Variants in CFAP77 observed in about 807,000 individuals in gnomAD.
CFAP77 encodes the protein cilia- and flagella-associated protein 77.
Under a neutral mutation model 31.1 loss-of-function variants are expected in CFAP77, and 25 were observed. That is an observed-to-expected ratio of 0.80 (90% confidence interval 0.59 to 1.12). The LOEUF (loss-of-function observed/expected upper bound fraction) is 1.12. Ranked by LOEUF, CFAP77 falls within the 50% of genes most tolerant of loss-of-function variation. The pLI, the probability that CFAP77 is intolerant of heterozygous loss-of-function variation, is 0.00. For synonymous variants in CFAP77, 151 were observed against 159.9 expected (o/e 0.94, Z 0.42); for missense variants, 377 against 397.3 (o/e 0.95, Z 0.44).
intron 1 of CFAP77, among the ~76,000 whole-genome samples, chr9:132,435,274 A>G (rs1445995845): frequency 6.6e-6 from 1 of 152,130 alleles, no homozygotes; most frequent in Non-Finnish European, 1.5e-5. Context: ...TCACCACGAG[A>G]TTGCCCACTT....
chr9:132,489,292 G>A (rs1418560896), intron 1 of CFAP77, among the ~76,000 whole-genome samples: 1 of 152,164 alleles, frequency 6.6e-6, no homozygotes, highest in Non-Finnish European at 1.5e-5. Flanking sequence ...TTCTCTTTTT[G>A]AGCCTCGACT....
At chr9:132,519,312 G>GATGGA (rs1852205317) in intron 3 of CFAP77, among the ~76,000 whole-genome samples, 1 of 143,834 alleles carries the variant, frequency 7.0e-6, no homozygotes, top group Non-Finnish European at 1.5e-5. Context: ...GGATGGATGG[G>GATGGA]TGGGTGAATG....
intron 3 of CFAP77, among the ~76,000 whole-genome samples, chr9:132,523,181 G>A (rs151040444): frequency 0.014 from 2,078 of 151,482 alleles, 45 homozygotes; most frequent in African/African-American, 0.047. Flanking sequence ...TCCGTCTTCC[G>A]GGTTCAAGCA....
chr9:132,550,590 T>C (rs986425321), intron 5 of CFAP77, among the ~76,000 whole-genome samples: 7 of 146,942 alleles, frequency 4.8e-5, no homozygotes, highest in African/African-American at 1.5e-4. Flanking sequence ...AGTGGTACAA[T>C]TATGGCTCAA....
chr9:132,532,327 T>C (rs1852467064), intron 3 of CFAP77, among the ~76,000 whole-genome samples: 1 of 152,120 alleles, frequency 6.6e-6, no homozygotes, highest in Admixed American at 6.5e-5. Context: ...TCTGCAGCTG[T>C]CTCTGGGCCA....
At chr9:132,556,367 G>A (rs563508686) in intron 5 of CFAP77, among the ~76,000 whole-genome samples, 5 of 152,324 alleles carry the variant, frequency 3.3e-5, no homozygotes, top group Middle Eastern at 3.4e-3. Flanking sequence ...CCCTCCAGAA[G>A]AAAGAGCTGA....
rs545268189 is a variant in CFAP77, at chr9:132,428,986, C to T, written c.195+18520C>T. Reference sequence around the variant, plus strand: ...TTTGGTAAGAATAACAAGGTAATCACTAGAGTGTCACCCTGCATGTTGAAC... The same window carrying T: ...TTTGGTAAGAATAACAAGGTAATCATTAGAGTGTCACCCTGCATGTTGAAC... On this transcript the variant is annotated intron_variant, in intron 1 of 5. Coordinates refer to ENST00000393216, the MANE Select transcript of CFAP77 (RefSeq NM_001282957.2). Among the ~76,000 whole-genome samples the T allele has an allele frequency of 2.0e-5, 3 of 152,286 alleles. No homozygotes were observed. The East Asian group carries it at 5.8e-4, about 29-fold the overall frequency.
intron 1 of CFAP77, among the ~76,000 whole-genome samples, chr9:132,491,269 A>C (rs1851649756): frequency 6.6e-6 from 1 of 152,218 alleles, no homozygotes; most frequent in East Asian, 1.9e-4. Flanking sequence ...GGAGTTCCAA[A>C]CCAGCCTGAG....
Position 132,410,317 on chromosome 9 carries a change from AAGC to A in CFAP77, c.56_58del (p.Gln19del). ...CGGCCCGGACCTCACGCGATGGAGG[AAGC>A]AGCAGCAGCCTGTGCGCCGCACGGT... On this transcript the variant is annotated inframe_deletion, in exon 1 of 6. Transcript: ENST00000393216. 6.3e-7 allele frequency: 1 copy of A among 1,596,210 alleles called. No homozygotes were observed.
At chr9:132,438,834 C>T (rs901337745) in intron 1 of CFAP77, among the ~76,000 whole-genome samples, 3 of 150,680 alleles carry the variant, frequency 2.0e-5, no homozygotes, top group African/African-American at 7.3e-5. Context: ...CGCACCTGAC[C>T]GGCCAACATT....
Position 132,458,452 on chromosome 9 carries a change from T to C in CFAP77, c.196-40243T>C, listed in dbSNP as rs368510622. ...TGAATTTTCCCATCGTTGCTGCATCTGTCCACTTCATCTTGCCTGTGTGGG... is the reference window on the plus strand; with the variant it reads ...TGAATTTTCCCATCGTTGCTGCATCCGTCCACTTCATCTTGCCTGTGTGGG... On this transcript the variant is annotated intron_variant, in intron 1 of 5. Transcript: ENST00000393216. 2.0e-5 allele frequency among the ~76,000 whole-genome samples: 3 copies of C among 152,320 alleles called. No homozygotes were observed. The East Asian group carries it at 5.8e-4, about 29-fold the overall frequency.
intron 1 of CFAP77, among the ~76,000 whole-genome samples, chr9:132,412,125 C>T (rs1564195202): frequency 6.6e-6 from 1 of 152,174 alleles, no homozygotes; most frequent in Non-Finnish European, 1.5e-5. Context: ...AGGACCAATT[C>T]AATCCCTGAT....
intron 1 of CFAP77, among the ~76,000 whole-genome samples, chr9:132,433,408 C>A (rs1850446992): frequency 6.6e-6 from 1 of 152,174 alleles, no homozygotes; most frequent in Admixed American, 6.5e-5. Context: ...CTGGTACTCA[C>A]CTTCTCACCT....
rs10116473 is a variant in CFAP77, at chr9:132,520,608, G to A, written c.525-16993G>A. The stretch of plus-strand genomic sequence containing the variant: ...TGCAGTGAGCTAGGATCGCACCACC[G>A]CACACCAGCCAGTTTCTAAATAAAT... On this transcript the variant is annotated intron_variant, in intron 3 of 5. Transcript: ENST00000393216. 8.1e-3 allele frequency among the ~76,000 whole-genome samples: 1,231 copies of A among 152,242 alleles called. 21 individuals are homozygous for A. Among genetic ancestry groups the A allele is most frequent in the African/African-American group, 0.027 (1,126 of 41,524 alleles).
intron 3 of CFAP77, chr9:132,513,394 G>C: frequency 6.6e-7 from 1 of 1,515,196 alleles, no homozygotes; most frequent in Non-Finnish European, 8.8e-7. Context: ...GAAATAAAAC[G>C]TGTCAAACAC....
intron 5 of CFAP77, among the ~76,000 whole-genome samples, chr9:132,546,972 G>A (rs1852743080): frequency 6.6e-6 from 1 of 152,380 alleles, no homozygotes; most frequent in South Asian, 2.1e-4. Flanking sequence ...CCTTGGAGGT[G>A]CAGACCCCAA....
chr9:132,538,573 T>A (rs938054446), intron 4 of CFAP77, among the ~76,000 whole-genome samples: 9 of 151,938 alleles, frequency 5.9e-5, no homozygotes. Flanking sequence ...ATCACCTGGT[T>A]TGAGACCAGC....
chr9:132,502,280 G>GT (rs1167302830), intron 3 of CFAP77, among the ~76,000 whole-genome samples: 15,614 of 145,248 alleles, frequency 0.11, 1,074 homozygotes, highest in African/African-American at 0.18. Context: ...TTTTTTTTGG[G>GT]GGAGGGGGGT....
At chr9:132,537,829 A>G in intron 4 of CFAP77, 123 bp downstream of exon 4, 5 of 704,880 alleles carry the variant, frequency 7.1e-6, no homozygotes, top group South Asian at 5.5e-5. Flanking sequence ...GTGGGAAATC[A>G]GGTTGCATCT....
Sources: gnomAD v4.1 joint callset for allele counts (sites outside exome capture counted in the v4.1 genomes callset) on GRCh38, gnomAD v4.1.1 for gene constraint, MANE v1.5 for transcripts, NCBI Gene and HGNC (gene_info 2026-07-23, HGNC 2026-07-21) for gene names.